Variants in KRT73 observed in about 807,000 individuals in gnomAD.
KRT73 encodes the protein keratin, type II cytoskeletal 73.
KRT73 carries 44 observed loss-of-function variants against 47.2 expected under a neutral mutation model. The ratio of observed to expected loss-of-function variants is 0.93; its 90% CI spans 0.73 to 1.20. The LOEUF (loss-of-function observed/expected upper bound fraction) is 1.20. KRT73 is among the 50% of genes most tolerant of loss of function. The probability of loss-of-function intolerance (pLI) is 0.00; values close to 1 mark genes in which losing one functional copy is unlikely to be tolerated. For synonymous variants in KRT73, 285 were observed against 291.3 expected (o/e 0.98, Z 0.22); for missense variants, 713 against 704.5 (o/e 1.01, Z -0.14).
rs1284665761 is a variant in KRT73, at chr12:52,613,730, G to A, written c.942C>T (p.Ala314=). ...AEVRAQYEEI[A]RKSKAEAEAL... is the part of the protein sequence containing the mutation. ...CCTCGGCCTCGGCCTTGCTCTTCCGGGCGATCTCCTCATACTGGGCACGGA... is the reference window on the plus strand; with the variant it reads ...CCTCGGCCTCGGCCTTGCTCTTCCGAGCGATCTCCTCATACTGGGCACGGA... The change falls in exon 5 of 9, where the codon GCC becomes GCT. Residue 314 remains alanine (A), a synonymous_variant. Coordinates refer to ENST00000305748, the MANE Select transcript of KRT73 (RefSeq NM_175068.3). 1.2e-6 allele frequency: 2 copies of A among 1,614,198 alleles called. No homozygotes were observed. Among genetic ancestry groups the A allele is most frequent in the Non-Finnish European group, 1.7e-6 (2 of 1,180,034 alleles).
At chr12:52,619,869 T>TA (rs1038941136), upstream of KRT73, among the ~76,000 whole-genome samples, 23 of 152,076 alleles carry the variant, frequency 1.5e-4, no homozygotes, top group African/African-American at 5.3e-4. Context: ...CTAGCTGGAG[T>TA]ACTTGAATGA....
chr12:52,624,101 G>A, the KRT73 span, among the ~76,000 whole-genome samples: 1 of 151,864 alleles, frequency 6.6e-6, no homozygotes, highest in Non-Finnish European at 1.5e-5. Flanking sequence ...TAAGTGTCTA[G>A]ATTAACATCA....
intron 3 of KRT73, chr12:52,614,893 C>T (rs1940780699): frequency 1.8e-6 from 1 of 558,130 alleles, no homozygotes; most frequent in Non-Finnish European, 3.2e-6. Flanking sequence ...CTCTATTTCT[C>T]AGAGAAGGGT....
intron 7 of KRT73, 42 bp from the exon 8 acceptor site, chr12:52,609,323 C>A (rs200352043): frequency 7.6e-6 from 12 of 1,569,688 alleles, no homozygotes; most frequent in Non-Finnish European, 1.1e-5. Flanking sequence ...ATCACGTGGA[C>A]TCCCATAGTG....
intron 8 of KRT73, 74 bp downstream of exon 8, chr12:52,609,173 G>A (rs750118502): frequency 8.5e-5 from 113 of 1,329,308 alleles, no homozygotes; most frequent in African/African-American, 2.3e-4. Flanking sequence ...TCAGGGGGCT[G>A]GGCGGTGGAC....
chr12:52,614,392 C>T (rs975244563), intron 4 of KRT73, 187 bp downstream of exon 4: 2 of 530,624 alleles, frequency 3.8e-6, no homozygotes, highest in African/African-American at 3.9e-5. Flanking sequence ...AGGACATCCT[C>T]AGGGCAGTCA....
At chr12:52,626,592 G>C in the KRT73 span, among the ~76,000 whole-genome samples, 4 of 152,236 alleles carry the variant, frequency 2.6e-5, no homozygotes, top group South Asian at 8.3e-4. Context: ...TTCAAGGGAG[G>C]CTGGGAAATG....
intron 1 of KRT73, among the ~76,000 whole-genome samples, chr12:52,617,095 A>T (rs1435247058): frequency 6.6e-6 from 1 of 152,042 alleles, no homozygotes; most frequent in Non-Finnish European, 1.5e-5. Context: ...TCATACAGTG[A>T]TGTCGTAAAC....
At position 52,615,263 on chromosome 12, in the gene KRT73, C is replaced by T. The variant is rs1229205440; in HGVS notation, c.723+16G>A. ...CACTGCTGGGGGACTGAAGGGAACCCATGCACCCTCCTCACCTTCTTAAGC... is the reference window on the plus strand; with the variant it reads ...CACTGCTGGGGGACTGAAGGGAACCTATGCACCCTCCTCACCTTCTTAAGC... On this transcript the variant is annotated intron_variant, in intron 3 of 8. Transcript: ENST00000305748. The T allele has an allele frequency of 1.2e-6, 2 of 1,611,722 alleles. No homozygotes were observed. The highest frequency in any genetic ancestry group is 8.5e-7 in the Non-Finnish European group (1 of 1,177,976).
intron 2 of KRT73, 87 bp from the exon 3 acceptor site, chr12:52,615,426 A>G: frequency 9.8e-7 from 1 of 1,024,162 alleles, no homozygotes. Flanking sequence ...AGAGATACCC[A>G]TATTATATGC....
the KRT73 span, among the ~76,000 whole-genome samples, chr12:52,627,115 A>G: frequency 7.2e-5 from 11 of 152,160 alleles, no homozygotes; most frequent in Admixed American, 4.6e-4. Context: ...ACCTCTACTT[A>G]AACACTCCCT....
intron 1 of KRT73, among the ~76,000 whole-genome samples, chr12:52,617,659 T>C (rs1940839275): frequency 6.6e-6 from 1 of 152,206 alleles, no homozygotes; most frequent in Non-Finnish European, 1.5e-5. Flanking sequence ...TCACAGGCTG[T>C]CACTCTGCTA....
chr12:52,611,376 T>C (rs1940699956), intron 5 of KRT73, 47 bp from the exon 6 acceptor site: 1 of 1,611,148 alleles, frequency 6.2e-7, no homozygotes, highest in Admixed American at 1.7e-5. Flanking sequence ...AGGGCTTGGC[T>C]GGGATCAGCC....
intron 5 of KRT73, chr12:52,613,398 G>A (rs2120868272): frequency 3.4e-6 from 1 of 291,260 alleles, no homozygotes; most frequent in East Asian, 6.8e-5. Flanking sequence ...TCTGCCTCCA[G>A]GGAGTGGTTT....
chr12:52,622,125 A>G (rs557684415), upstream of KRT73, among the ~76,000 whole-genome samples: 53 of 152,284 alleles, frequency 3.5e-4, no homozygotes, highest in African/African-American at 1.2e-3. Flanking sequence ...AAGTCCTCAA[A>G]TTGAATGAAA....
At chr12:52,616,137 A>G (rs371924474) in intron 2 of KRT73, 29 bp downstream of exon 2, 1 of 1,612,970 alleles carries the variant, frequency 6.2e-7, no homozygotes, top group Non-Finnish European at 8.5e-7. Flanking sequence ...CCTGGGAGGC[A>G]GACCAGCCTG....
At chr12:52,627,287 C>T in the KRT73 span, among the ~76,000 whole-genome samples, 1 of 152,234 alleles carries the variant, frequency 6.6e-6, no homozygotes, top group Non-Finnish European at 1.5e-5. Flanking sequence ...CACTTACCTG[C>T]TTCCCAGTAG....
rs758226471 is a variant in KRT73, at chr12:52,613,855, G to A, written c.820-3C>T. On this transcript the variant is annotated splice_region_variant and splice_polypyrimidine_tract_variant and intron_variant, in intron 4 of 8. Transcript: ENST00000305748. The stretch of plus-strand genomic sequence containing the variant: ...TGGGACTGGATCTGAGCAGTCTCCT[G>A]CAGGGGAAACAAGGAAGCATGAAAT... 9.5e-5 allele frequency: 154 copies of A among 1,612,944 alleles called. No homozygotes were observed. The highest frequency in any genetic ancestry group is 1.2e-4 in the Non-Finnish European group (145 of 1,179,318).
intron 7 of KRT73, chr12:52,610,146 G>T (rs1484890099): frequency 2.1e-5 from 4 of 186,262 alleles, no homozygotes; most frequent in African/African-American, 4.7e-5. Flanking sequence ...CAGGATCTCA[G>T]CTCACTGCAA....
Sources: allele counts gnomAD v4.1 joint callset (sites outside exome capture counted in the v4.1 genomes callset), GRCh38; gene constraint gnomAD v4.1.1; transcripts MANE v1.5; gene names NCBI Gene and HGNC (gene_info 2026-07-23, HGNC 2026-07-21).